Variants in FBXL7 observed in about 807,000 individuals in gnomAD.
FBXL7 encodes the protein F-box and leucine rich repeat protein 7.
FBXL7 carries 12 observed loss-of-function variants against 38.3 expected under a neutral mutation model. That is an observed-to-expected ratio of 0.31 (90% confidence interval 0.20 to 0.51). The LOEUF is 0.51. FBXL7 is among the 20% of genes least tolerant of loss of function. The pLI is 0.98. For synonymous variants in FBXL7, 297 were observed against 300.9 expected (o/e 0.99, Z 0.13); for missense variants, 567 against 676.4 (o/e 0.84, Z 1.79).
chr5:15,735,921 T>C (rs1303959822), intron 2 of FBXL7, among the ~76,000 whole-genome samples: 1 of 152,130 alleles, frequency 6.6e-6, no homozygotes, highest in Non-Finnish European at 1.5e-5. Context: ...AACTTAGAGG[T>C]CACTGGAGAC....
At chr5:15,897,610 AG>A (rs754768872) in intron 2 of FBXL7, among the ~76,000 whole-genome samples, 51 of 152,332 alleles carry the variant, frequency 3.3e-4, no homozygotes, top group Non-Finnish European at 6.3e-4. Flanking sequence ...AAGGATGAGA[AG>A]GAAGAGGGGA....
At chr5:15,892,064 C>T (rs918120828) in intron 2 of FBXL7, among the ~76,000 whole-genome samples, 1 of 152,224 alleles carries the variant, frequency 6.6e-6, no homozygotes, top group Non-Finnish European at 1.5e-5. Flanking sequence ...GGAGCCACAG[C>T]ACTAGGGAGC....
At chr5:15,817,866 A>G (rs1396363756) in intron 2 of FBXL7, among the ~76,000 whole-genome samples, 1 of 152,120 alleles carries the variant, frequency 6.6e-6, no homozygotes, top group African/African-American at 2.4e-5. Flanking sequence ...GAACTAATAC[A>G]AGGGCGAAGG....
chr5:15,771,020 A>T (rs1447263265), intron 2 of FBXL7, among the ~76,000 whole-genome samples: 1 of 152,192 alleles, frequency 6.6e-6, no homozygotes, highest in African/African-American at 2.4e-5. Flanking sequence ...CACATCTCCA[A>T]TGCGCTTTGC....
chr5:15,613,157 G>A (rs1363271545), intron 1 of FBXL7, among the ~76,000 whole-genome samples: 1 of 152,248 alleles, frequency 6.6e-6, no homozygotes, highest in African/African-American at 2.4e-5. Context: ...GAGTGGTTTG[G>A]ATTACTGAGG....
intron 1 of FBXL7, among the ~76,000 whole-genome samples, chr5:15,554,532 C>T (rs914204370): frequency 6.6e-6 from 1 of 152,202 alleles, no homozygotes; most frequent in Non-Finnish European, 1.5e-5. Flanking sequence ...GATGAGAAAA[C>T]CCAGAATAAA....
intron 2 of FBXL7, among the ~76,000 whole-genome samples, chr5:15,724,684 C>A (rs1437965358): frequency 6.6e-6 from 1 of 152,166 alleles, no homozygotes; most frequent in African/African-American, 2.4e-5. Context: ...TGATTTATAA[C>A]ATTTTAAAGT....
intron 2 of FBXL7, among the ~76,000 whole-genome samples, chr5:15,650,506 A>C (rs1342205035): frequency 6.6e-6 from 1 of 152,196 alleles, no homozygotes; most frequent in East Asian, 1.9e-4. Flanking sequence ...TCTTAGAATA[A>C]GACAACAGTG....
chr5:15,577,358 AGT>A (rs886625549), intron 1 of FBXL7, among the ~76,000 whole-genome samples: 1 of 152,034 alleles, frequency 6.6e-6, no homozygotes, highest in African/African-American at 2.4e-5. Context: ...TCCCCATGTG[AGT>A]GTGAGCTTCC....
At chr5:15,771,740 T>C (rs4702107) in intron 2 of FBXL7, among the ~76,000 whole-genome samples, 1 of 151,582 alleles carries the variant, frequency 6.6e-6, no homozygotes, top group Non-Finnish European at 1.5e-5. Flanking sequence ...CACAGCTATC[T>C]GGACTAATAG....
intron 2 of FBXL7, among the ~76,000 whole-genome samples, chr5:15,863,863 T>G (rs527402580): frequency 6.6e-6 from 1 of 152,144 alleles, no homozygotes; most frequent in Non-Finnish European, 1.5e-5. Flanking sequence ...CCACCATGAG[T>G]GGAAGCAGCT....
chr5:15,777,596 G>A (rs1736887308), intron 2 of FBXL7, among the ~76,000 whole-genome samples: 1 of 151,680 alleles, frequency 6.6e-6, no homozygotes, highest in Non-Finnish European at 1.5e-5. Context: ...GTTTTGAACA[G>A]TGAAAGAGAA....
At chr5:15,700,974 GT>G (rs558551328) in intron 2 of FBXL7, among the ~76,000 whole-genome samples, 2,212 of 151,368 alleles carry the variant, frequency 0.015, 153 homozygotes, top group Admixed American at 0.11. Context: ...TTCAGAAAAA[GT>G]TTTTTTTTAA....
At chr5:15,604,324 A>G (rs1739921705) in intron 1 of FBXL7, among the ~76,000 whole-genome samples, 1 of 152,154 alleles carries the variant, frequency 6.6e-6, no homozygotes. Flanking sequence ...TGGTATGTGG[A>G]ATGATTGCTG....
chr5:15,856,691 A>T (rs1739282279), intron 2 of FBXL7, among the ~76,000 whole-genome samples: 1 of 152,088 alleles, frequency 6.6e-6, no homozygotes, highest in Non-Finnish European at 1.5e-5. Flanking sequence ...TCTAAGATAC[A>T]CATGTATTTT....
chr5:15,915,999 G>C (rs1351160034), intron 2 of FBXL7, among the ~76,000 whole-genome samples: 1 of 152,152 alleles, frequency 6.6e-6, no homozygotes, highest in East Asian at 1.9e-4. Context: ...TCTATCCTGG[G>C]AGGCAGACCT....
intron 1 of FBXL7, among the ~76,000 whole-genome samples, chr5:15,544,023 C>T (rs879733997): frequency 3.9e-5 from 6 of 152,026 alleles, no homozygotes; most frequent in Admixed American, 1.3e-4. Context: ...ACACGCAGAC[C>T]GAGAATTTCT....
At chr5:15,766,000 C>G (rs777876462) in intron 2 of FBXL7, among the ~76,000 whole-genome samples, 1 of 152,066 alleles carries the variant, frequency 6.6e-6, no homozygotes, top group African/African-American at 2.4e-5. Flanking sequence ...AACCAACACT[C>G]CAGCTTCATC....
At chr5:15,522,348 T>C (rs975840597) in intron 1 of FBXL7, among the ~76,000 whole-genome samples, 1 of 152,218 alleles carries the variant, frequency 6.6e-6, no homozygotes, top group African/African-American at 2.4e-5. Context: ...CTGGGCAGTG[T>C]GCCCAGTTTG....
Sources: allele counts gnomAD v4.1 joint callset (sites outside exome capture counted in the v4.1 genomes callset), GRCh38; gene constraint gnomAD v4.1.1; transcripts MANE v1.5; gene names NCBI Gene and HGNC (gene_info 2026-07-23, HGNC 2026-07-21).